CDR2L: variants seen among roughly 807,000 people sequenced by gnomAD.
CDR2L encodes cerebellar degeneration-related protein 2-like.
CDR2L carries 19 observed loss-of-function variants against 36.1 expected under a neutral mutation model. The observed-to-expected ratio is 0.53, with a 90% CI of 0.37 to 0.77. The LOEUF (loss-of-function observed/expected upper bound fraction) is 0.77, where lower values mean the gene tolerates loss of function less well. CDR2L is among the 30% of genes least tolerant of loss of function. The probability of loss-of-function intolerance (pLI) is 0.00; values close to 1 mark genes in which losing one functional copy is unlikely to be tolerated. For synonymous variants in CDR2L, 285 were observed against 280.4 expected, an observed-to-expected ratio of 1.02 and a Z score of -0.16; for missense variants, 575 against 627.2, an observed-to-expected ratio of 0.92 and a Z score of 0.89.
At chr17:74,992,541 C>T (rs1279273125) in intron 1 of CDR2L, among the ~76,000 whole-genome samples, 1 of 152,178 alleles carries the variant, frequency 6.6e-6, no homozygotes, top group Non-Finnish European at 1.5e-5. Flanking sequence ...AGCCTGGAGC[C>T]ATCACCCACC....
At chr17:74,995,891 A>C (rs1273426288) in intron 1 of CDR2L, among the ~76,000 whole-genome samples, 2 of 152,164 alleles carry the variant, frequency 1.3e-5, no homozygotes, top group East Asian at 3.8e-4. Context: ...TTTTAAAAAG[A>C]AAACAGCCTT....
rs116611906 is a variant in CDR2L at position 75,001,562 on chromosome 17, G to A, written c.341+73G>A. The A allele has an allele frequency of 6.0e-3, 7,955 of 1,319,240 alleles. 385 individuals carry two copies. The African/African-American group carries it at 0.11, about 17-fold the overall frequency. 81.7% of individuals were successfully genotyped at this position (1,319,240 alleles called of 1,614,324 possible). A position where few individuals can be genotyped will look rare whatever the true frequency, so the allele number is the denominator to read the frequency against. ...GGCTGAGTGTACACAGGGGCCCATGGACTGATGGGTGTGACTTGTGCACGT... is the reference window on the plus strand; with the variant it reads ...GGCTGAGTGTACACAGGGGCCCATGAACTGATGGGTGTGACTTGTGCACGT... On this transcript the variant is annotated intron_variant, in intron 3 of 4. Transcript: ENST00000337231.
chr17:75,004,071 G>A lies in CDR2L; in HGVS notation c.1395G>A (p.Lys465=). The A allele has an allele frequency of 1.2e-6, 2 of 1,604,082 alleles. No homozygotes were observed. The highest frequency in any genetic ancestry group is 1.7e-6 in the Non-Finnish European group (2 of 1,174,866). The part of the protein sequence containing the change: ...NATKVKTHSS[K] ...CCAAAGTCAAGACGCACAGCAGCAAGTGACCCTTCTCCGGCCTGCAGCCTC... is the reference window on the plus strand; with the variant it reads ...CCAAAGTCAAGACGCACAGCAGCAAATGACCCTTCTCCGGCCTGCAGCCTC... Residue 465 remains lysine, a synonymous_variant, in exon 5 of 5, where the codon AAG becomes AAA. Coordinates refer to ENST00000337231, the MANE Select transcript of CDR2L (RefSeq NM_014603.3).
At chr17:75,001,929 G>C (rs2039869301) in intron 3 of CDR2L, 135 bp from the exon 4 acceptor site, 1 of 731,194 alleles carries the variant, frequency 1.4e-6, no homozygotes, top group Admixed American at 3.3e-5. Context: ...TCCTACCTCA[G>C]GACCAGACAG....
At chr17:74,997,068 C>T (rs11650669) in intron 1 of CDR2L, among the ~76,000 whole-genome samples, 331 of 4,984 alleles carry the variant, frequency 0.066, 20 homozygotes, top group East Asian at 0.32. Flanking sequence ...TTCTTTCTTT[C>T]TTTCTTTCTT....
rs2039876427 is a variant in CDR2L, at chr17:75,003,061, A to G, written c.507-122A>G. 10 of 1,064,820 alleles carry G rather than the reference A, an allele frequency of 9.4e-6. No homozygotes were observed. The South Asian group carries it at 1.1e-4, about 12-fold the overall frequency. The allele number at this position is 1,064,820 out of a possible 1,614,324, so 66.0% of individuals were successfully genotyped here. ...GAGAGCCAACGGAGAGGGGCAAACA[A>G]TTTCAGCCCAGAGAACAAGAGAGAT... On this transcript the variant is annotated intron_variant, in intron 4 of 4. Coordinates refer to ENST00000337231, the MANE Select transcript of CDR2L (RefSeq NM_014603.3).
chr17:74,994,412 C>T (rs949834486), intron 1 of CDR2L, among the ~76,000 whole-genome samples: 2 of 152,152 alleles, frequency 1.3e-5, no homozygotes, highest in African/African-American at 4.8e-5. Context: ...CAGACCAGTG[C>T]TTTCCTGGAC....
chr17:74,997,095 T>TGAGACTGAGTCTCGCTCTG (rs2039833385), intron 1 of CDR2L, among the ~76,000 whole-genome samples: 1 of 140,210 alleles, frequency 7.1e-6, no homozygotes, highest in Non-Finnish European at 1.5e-5. Context: ...TTTTTTTTTT[T>TGAGACTGAGTCTCGCTCTG]TGAGACTGAG....
intron 1 of CDR2L, among the ~76,000 whole-genome samples, chr17:74,995,048 C>T (rs2039816853): frequency 3.4e-5 from 5 of 145,200 alleles, no homozygotes; most frequent in African/African-American, 1.0e-4. Flanking sequence ...TCCAGCCTGG[C>T]GACAGAGTGA....
Position 74,989,888 on chromosome 17 carries a change from C to G in CDR2L, c.79+1766C>G, listed in dbSNP as rs1196625430. ...TCCTGACCTCAGATGATCCACCCGC[C>G]TTGGCCTCCCGAAGTGCTGGGATTA... On this transcript the variant is annotated intron_variant, in intron 1 of 4. Transcript: ENST00000337231. This position sits in a 1 kb window ranked among gnomAD's most constrained non-coding sequence, Gnocchi z 4.2. 6.6e-6 allele frequency among the ~76,000 whole-genome samples: 1 copy of G among 152,204 alleles called. No individual in the cohort carries two copies. The highest frequency in any genetic ancestry group is 1.5e-5 in the Non-Finnish European group (1 of 68,042).
Position 74,999,511 on chromosome 17 carries a change from C to G in CDR2L, c.87C>G (p.His29Gln). 1 of 1,569,988 alleles carries G rather than the reference C, an allele frequency of 6.4e-7. No homozygotes were observed. Among genetic ancestry groups the G allele is most frequent in the Non-Finnish European group, 8.6e-7 (1 of 1,157,282 alleles). Residue 29 changes from histidine to glutamine, a missense_variant, in exon 2 of 5, where the codon CAC (histidine) becomes CAG (glutamine). Coordinates refer to ENST00000337231, the MANE Select transcript of CDR2L (RefSeq NM_014603.3). Reference protein sequence around the residue: ...YDQQDLEQDLHLAAELGKTLL... With the variant: ...YDQQDLEQDLQLAAELGKTLL... ...GTGTTTCTCCTATCCTAGACTTGCA[C>G]CTAGCTGCGGAGCTGGGGAAGACTC... is the stretch of plus-strand genomic sequence containing the variant.
At chr17:74,995,418 C>T (rs113532556) in intron 1 of CDR2L, among the ~76,000 whole-genome samples, 1 of 152,144 alleles carries the variant, frequency 6.6e-6, no homozygotes, top group Non-Finnish European at 1.5e-5. Flanking sequence ...CCACCTCGGC[C>T]TCCCAAAGTG....
intron 1 of CDR2L, 45 bp from the exon 2 acceptor site, chr17:74,999,459 G>A (rs1432361889): frequency 2.3e-6 from 3 of 1,309,936 alleles, no homozygotes; most frequent in East Asian, 2.5e-5. Context: ...ACATGAATGG[G>A]CGTCCTCTGC....
At chr17:74,997,095 TTG>T (rs2039833418) in intron 1 of CDR2L, among the ~76,000 whole-genome samples, 3 of 140,280 alleles carry the variant, frequency 2.1e-5, no homozygotes, top group Admixed American at 7.6e-5. Flanking sequence ...TTTTTTTTTT[TTG>T]AGACTGAGTC....
In CDR2L at chr17:74,989,988, C is replaced by T. The variant is rs1445177388; in HGVS notation, c.79+1866C>T. ...GGGAGGGCTTCCTGGAAGAGCCAGG[C>T]TTAGAAAGAAAGATCAGAAACTGAG... On this transcript the variant is annotated intron_variant, in intron 1 of 4. Coordinates refer to ENST00000337231, the MANE Select transcript of CDR2L (RefSeq NM_014603.3). The surrounding 1 kb of genome is among the most constrained non-coding windows in gnomAD (Gnocchi z 4.2). Among the ~76,000 whole-genome samples, 2 of 152,152 alleles carry T rather than the reference C, an allele frequency of 1.3e-5. No homozygotes were observed. The highest frequency in any genetic ancestry group is 2.9e-5 in the Non-Finnish European group (2 of 68,026).
rs1024513536 is a variant in CDR2L at position 74,988,141 on chromosome 17, G to C, written c.79+19G>C. The C allele has an allele frequency of 6.7e-7, 1 of 1,486,288 alleles. No individual in the cohort carries two copies. Among genetic ancestry groups the C allele is most frequent in the African/African-American group, 1.5e-5 (1 of 68,596 alleles). The allele number at this position is 1,486,288 out of a possible 1,614,324, so 92.1% of individuals were successfully genotyped here. On this transcript the variant is annotated intron_variant, in intron 1 of 4. Transcript: ENST00000337231. ...GAGCAGGGTGAGCGCGGGGGCGACCGGGACAGGAAGGCGGGGAGCGCCCGG... is the reference window on the plus strand; with the variant it reads ...GAGCAGGGTGAGCGCGGGGGCGACCCGGACAGGAAGGCGGGGAGCGCCCGG...
intron 1 of CDR2L, among the ~76,000 whole-genome samples, chr17:74,993,998 C>T (rs2039811373): frequency 6.6e-6 from 1 of 152,222 alleles, no homozygotes; most frequent in Admixed American, 6.5e-5. Flanking sequence ...GTTCTGCCCC[C>T]AGCTTGGCTG....
chr17:74,987,732 G>C lies in CDR2L; in HGVS notation c.-312G>C, dbSNP rs1162897764. The C allele has an allele frequency of 1.2e-5, 2 of 171,322 alleles. No individual in the cohort carries two copies. Among genetic ancestry groups the C allele is most frequent in the African/African-American group, 4.8e-5 (2 of 42,078 alleles). The allele number at this position is 171,322 out of a possible 1,614,324, so 10.6% of individuals were successfully genotyped here. On this transcript the variant is annotated 5_prime_UTR_variant, in exon 1 of 5. Coordinates refer to ENST00000337231, the MANE Select transcript of CDR2L (RefSeq NM_014603.3). ...GCCACGGCACCCGCGCGCTCCTAGC[G>C]CCCCAGACCCGCCTGCGGGCCCGGA...
At chr17:74,988,619 T>C (rs926972681) in intron 1 of CDR2L, among the ~76,000 whole-genome samples, 3 of 152,170 alleles carry the variant, frequency 2.0e-5, no homozygotes, top group African/African-American at 4.8e-5. Context: ...CCTAACTCGC[T>C]TCCTACTCAG....
Sources: allele counts gnomAD v4.1 joint callset (sites outside exome capture counted in the v4.1 genomes callset), GRCh38; gene constraint gnomAD v4.1.1; non-coding constraint Gnocchi (gnomAD v3.1); transcripts MANE v1.5; gene names NCBI Gene and HGNC (gene_info 2026-07-23, HGNC 2026-07-21).